The following MAMDC2 variants were observed in gnomAD, a reference collection of about 807,000 sequenced individuals.
MAMDC2 encodes the protein MAM domain containing 2.
MAMDC2 carries 57 observed loss-of-function variants against 89.8 expected under a neutral mutation model. The observed-to-expected ratio is 0.63, with a 90% CI of 0.51 to 0.79. MAMDC2 has a LOEUF of 0.79. Among genes scored for constraint, MAMDC2 ranks in the 30% least tolerant of loss-of-function variants. MAMDC2 has a pLI of 0.00. For synonymous variants in MAMDC2, 313 were observed against 293.4 expected, an observed-to-expected ratio of 1.07 and a Z score of -0.68; for missense variants, 800 against 820.6, an observed-to-expected ratio of 0.97 and a Z score of 0.31.
At chr9:70,124,647 G>A (rs2030446650) in intron 5 of MAMDC2, among the ~76,000 whole-genome samples, 1 of 152,164 alleles carries the variant, frequency 6.6e-6, no homozygotes, top group South Asian at 2.1e-4. Flanking sequence ...AAATGCATAT[G>A]CTCCTCCTAA....
At chr9:70,210,232 G>A (rs2033323254) in intron 11 of MAMDC2, among the ~76,000 whole-genome samples, 1 of 152,080 alleles carries the variant, frequency 6.6e-6, no homozygotes, top group South Asian at 2.1e-4. Context: ...GTTGACAGTG[G>A]GGTGTTAAAG....
At chr9:70,052,655 G>T (rs1212925500) in intron 2 of MAMDC2, among the ~76,000 whole-genome samples, 2 of 152,112 alleles carry the variant, frequency 1.3e-5, no homozygotes, top group Non-Finnish European at 2.9e-5. Flanking sequence ...TCCTTACAAT[G>T]CCTGATAATA....
intron 2 of MAMDC2, chr9:70,087,529 T>A (rs886166574): frequency 3.3e-5 from 5 of 152,052 alleles, no homozygotes; most frequent in Admixed American, 2.6e-4. Flanking sequence ...TATAATTGAG[T>A]CTCATTTACC....
intron 11 of MAMDC2, among the ~76,000 whole-genome samples, chr9:70,204,640 C>T: frequency 6.6e-6 from 1 of 151,280 alleles, no homozygotes; most frequent in Non-Finnish European, 1.5e-5. Flanking sequence ...CAATGGCGGG[C>T]GCCCCTCCCC....
At chr9:70,055,005 C>T (rs1464028475) in intron 2 of MAMDC2, among the ~76,000 whole-genome samples, 1 of 151,976 alleles carries the variant, frequency 6.6e-6, no homozygotes, top group Non-Finnish European at 1.5e-5. Context: ...ACCTTAAGGC[C>T]AGGAGTTCAA....
At chr9:70,225,205 G>C (rs1039988991) in intron 12 of MAMDC2, among the ~76,000 whole-genome samples, 1 of 152,090 alleles carries the variant, frequency 6.6e-6, no homozygotes. Context: ...TCTTCTGCCT[G>C]AGCTGTGTCT....
chr9:70,091,653 T>C (rs1405271416), intron 2 of MAMDC2, among the ~76,000 whole-genome samples: 1 of 152,228 alleles, frequency 6.6e-6, no homozygotes, highest in Non-Finnish European at 1.5e-5. Context: ...AGATACTCTC[T>C]GAGCCAGACC....
chr9:70,218,686 T>C, intron 12 of MAMDC2, 90 bp downstream of exon 12: 1 of 1,447,608 alleles, frequency 6.9e-7, no homozygotes, highest in Non-Finnish European at 9.1e-7. Flanking sequence ...GAGAATATTT[T>C]GTTCTTTTTC....
At chr9:70,135,709 T>C (rs2030978128) in intron 7 of MAMDC2, among the ~76,000 whole-genome samples, 1 of 152,202 alleles carries the variant, frequency 6.6e-6, no homozygotes, top group South Asian at 2.1e-4. Flanking sequence ...TCATAGTCCC[T>C]GTGCCTTCAT....
At chr9:70,048,361 G>A (rs1355124962) in intron 2 of MAMDC2, among the ~76,000 whole-genome samples, 6 of 152,226 alleles carry the variant, frequency 3.9e-5, no homozygotes, top group African/African-American at 1.4e-4. Flanking sequence ...TGCAAACTTC[G>A]CCTCTCGGGT....
At chr9:70,183,387 A>T (rs1297294102) in intron 11 of MAMDC2, among the ~76,000 whole-genome samples, 1 of 152,222 alleles carries the variant, frequency 6.6e-6, no homozygotes, top group Non-Finnish European at 1.5e-5. Flanking sequence ...AGCTGAGTTC[A>T]AGTCCTGGAT....
chr9:70,125,899 T>G (rs2030514958), intron 5 of MAMDC2, among the ~76,000 whole-genome samples: 1 of 152,180 alleles, frequency 6.6e-6, no homozygotes, highest in Non-Finnish European at 1.5e-5. Context: ...ATATTTTACT[T>G]GAATCAAAAG....
At chr9:70,069,747 C>T (rs1444158402) in intron 2 of MAMDC2, among the ~76,000 whole-genome samples, 1 of 152,114 alleles carries the variant, frequency 6.6e-6, no homozygotes, top group Non-Finnish European at 1.5e-5. Context: ...GAGGGAATGG[C>T]TTTGCTTTCT....
intron 11 of MAMDC2, among the ~76,000 whole-genome samples, chr9:70,199,867 T>A (rs2033061393): frequency 6.6e-6 from 1 of 151,294 alleles, no homozygotes; most frequent in African/African-American, 2.4e-5. Flanking sequence ...AAGTGTCTGT[T>A]CATGTCCTTC....
chr9:70,112,737 G>T (rs1287561378), intron 4 of MAMDC2, among the ~76,000 whole-genome samples: 3 of 152,140 alleles, frequency 2.0e-5, no homozygotes, highest in Non-Finnish European at 4.4e-5. Context: ...TACAAAAAGT[G>T]GTAAGTCATG....
intron 9 of MAMDC2, among the ~76,000 whole-genome samples, chr9:70,160,354 T>A (rs1408691878): frequency 4.6e-5 from 7 of 152,308 alleles, no homozygotes; most frequent in Admixed American, 2.6e-4. Context: ...AATATAATAA[T>A]GTCTTCATTA....
At chr9:70,122,537 C>G (rs1335627723) in intron 5 of MAMDC2, among the ~76,000 whole-genome samples, 1 of 152,114 alleles carries the variant, frequency 6.6e-6, no homozygotes. Context: ...TATGAAGGCT[C>G]TGAGGAGAAA....
intron 7 of MAMDC2, among the ~76,000 whole-genome samples, chr9:70,134,368 C>G (rs553886799): frequency 6.7e-6 from 1 of 149,774 alleles, no homozygotes; most frequent in African/African-American, 2.5e-5. Flanking sequence ...TCACTCTCCC[C>G]CTGCACAACC....
intron 2 of MAMDC2, among the ~76,000 whole-genome samples, chr9:70,068,511 G>A (rs1026610087): frequency 6.6e-6 from 1 of 152,028 alleles, no homozygotes; most frequent in East Asian, 1.9e-4. Flanking sequence ...TGAGGTAGGA[G>A]TTTGAGACCA....
Sources: allele counts gnomAD v4.1 joint callset (sites outside exome capture counted in the v4.1 genomes callset), GRCh38; gene constraint gnomAD v4.1.1; transcripts MANE v1.5; gene names NCBI Gene and HGNC (gene_info 2026-07-23, HGNC 2026-07-21).